ATF6: variants seen among roughly 807,000 people sequenced by gnomAD.
The protein encoded by ATF6 is cyclic AMP-dependent transcription factor ATF-6 alpha.
A neutral mutation model predicts 83.6 loss-of-function variants in ATF6; 53 were observed. The observed-to-expected ratio is 0.63, with a 90% CI of 0.51 to 0.80. ATF6 has a LOEUF of 0.80. Ranked by LOEUF, ATF6 falls within the 30% of genes least tolerant of loss-of-function variation. The pLI, the probability that ATF6 is intolerant of heterozygous loss-of-function variation, is 0.00. For missense variants in ATF6, 744 were observed against 797.9 expected, an observed-to-expected ratio of 0.93 and a Z score of 0.81; for synonymous variants, 288 against 285.8, an observed-to-expected ratio of 1.01 and a Z score of -0.08.
At position 161,821,082 on chromosome 1, in the gene ATF6, A is replaced by G. The variant is rs367613392; in HGVS notation, c.1108A>G (p.Lys370Glu). The G allele has an allele frequency of 2.5e-6, 4 of 1,610,126 alleles. No individual in the cohort carries two copies. Among genetic ancestry groups the G allele is most frequent in the Non-Finnish European group, 2.5e-6 (3 of 1,178,040 alleles). Residue 370 changes from lysine to glutamate, a missense_variant, in exon 9 of 16, where the codon AAA (lysine) becomes GAA (glutamate). By Grantham distance (56) the Lys-to-Glu change is moderately conservative. Transcript: ENST00000367942. ...TCATTTCCTTTAGAACCAGAGGCTT[A>G]AAGTCCCTAGTCCAAAGCGAAGAGT... ...DEVVSENQRL[K>E]VPSPKRRVVC...
At chr1:161,899,282 C>G (rs1687735556) in intron 14 of ATF6, among the ~76,000 whole-genome samples, 1 of 152,204 alleles carries the variant, frequency 6.6e-6, no homozygotes, top group Admixed American at 6.5e-5. Context: ...GCAACAGCTG[C>G]AAGTTATTCC....
intron 9 of ATF6, 43 bp from the exon 10 acceptor site, chr1:161,846,406 C>A: frequency 6.3e-7 from 1 of 1,577,696 alleles, no homozygotes; most frequent in Non-Finnish European, 8.6e-7. Context: ...ATATGTGTGA[C>A]ATATTTTTAT....
At chr1:161,810,269 C>G (rs1000073134) in intron 7 of ATF6, among the ~76,000 whole-genome samples, 1 of 152,174 alleles carries the variant, frequency 6.6e-6, no homozygotes, top group Non-Finnish European at 1.5e-5. Flanking sequence ...AGGAAACTTA[C>G]AATCATGACT....
chr1:161,852,865 A>C (rs1686664730), intron 11 of ATF6, among the ~76,000 whole-genome samples: 1 of 151,990 alleles, frequency 6.6e-6, no homozygotes, highest in African/African-American at 2.4e-5. Flanking sequence ...CAGTCTTCCC[A>C]CCCCAGCCTC....
At chr1:161,945,956 A>T (rs1281155846) in intron 15 of ATF6, among the ~76,000 whole-genome samples, 1 of 152,106 alleles carries the variant, frequency 6.6e-6, no homozygotes, top group Non-Finnish European at 1.5e-5. Context: ...CTTACGTAAG[A>T]TGCTACTGAG....
chr1:161,805,663 T>C (rs1685260857), intron 7 of ATF6, among the ~76,000 whole-genome samples: 1 of 152,182 alleles, frequency 6.6e-6, no homozygotes, highest in Admixed American at 6.5e-5. Flanking sequence ...TTGACCTCAG[T>C]ATTACATGTG....
At position 161,936,472 on chromosome 1, in the gene ATF6, CTT is replaced by C. The variant is rs1159125383; in HGVS notation, c.1805-21972_1805-21971del. 6.6e-5 allele frequency among the ~76,000 whole-genome samples: 10 copies of C among 152,258 alleles called. No homozygotes were observed. In the East Asian group the frequency reaches 1.9e-3, roughly 29 times the overall value. On this transcript the variant is annotated intron_variant, in intron 15 of 15. Transcript: ENST00000367942. ...TTGCAAACAATCCAATTATTACACT[CTT>C]TAAGTTATTTTAAAATGTTACAGAT... is the stretch of plus-strand genomic sequence containing the variant.
intron 15 of ATF6, among the ~76,000 whole-genome samples, chr1:161,921,794 T>C (rs1688217735): frequency 6.6e-6 from 1 of 152,230 alleles, no homozygotes; most frequent in South Asian, 2.1e-4. Flanking sequence ...TTTTCTTTCC[T>C]TTTTGTTAGA....
chr1:161,929,897 A>G (rs1334648805), intron 15 of ATF6, among the ~76,000 whole-genome samples: 1 of 152,230 alleles, frequency 6.6e-6, no homozygotes, highest in Non-Finnish European at 1.5e-5. Context: ...TACAGGCACT[A>G]TCATCTCTCT....
intron 1 of ATF6, among the ~76,000 whole-genome samples, chr1:161,777,876 A>C (rs1027236638): frequency 6.6e-6 from 1 of 152,212 alleles, no homozygotes; most frequent in African/African-American, 2.4e-5. Context: ...AACCATGTCT[A>C]CTTTCCACAG....
intron 14 of ATF6, among the ~76,000 whole-genome samples, chr1:161,879,478 T>G (rs1687281970): frequency 6.6e-6 from 1 of 152,044 alleles, no homozygotes; most frequent in African/African-American, 2.4e-5. Context: ...AGACATATAA[T>G]TACAATATGG....
intron 9 of ATF6, among the ~76,000 whole-genome samples, chr1:161,838,297 C>A (rs764225807): frequency 2.6e-5 from 4 of 152,186 alleles, no homozygotes; most frequent in Non-Finnish European, 5.9e-5. Flanking sequence ...AACACTGACT[C>A]AGTGATGTCA....
At chr1:161,776,796 G>A (rs954705371) in intron 1 of ATF6, among the ~76,000 whole-genome samples, 1 of 152,198 alleles carries the variant, frequency 6.6e-6, no homozygotes, top group Non-Finnish European at 1.5e-5. Context: ...ATCTTGAAGT[G>A]TGGGTTGGAG....
rs543967052 is a variant in ATF6 at position 161,843,332 on chromosome 1, A to T, written c.1188-3117A>T. On this transcript the variant is annotated intron_variant, in intron 9 of 15. Coordinates refer to ENST00000367942, the MANE Select transcript of ATF6 (RefSeq NM_007348.4). Reference sequence around the variant, plus strand: ...TGTTATCACAAAATGACATTGCATGAACCAGCATTGTTTGAAGACTTGCTG... The same window carrying T: ...TGTTATCACAAAATGACATTGCATGTACCAGCATTGTTTGAAGACTTGCTG... Among the ~76,000 whole-genome samples, 6 of 152,316 alleles carry T rather than the reference A, an allele frequency of 3.9e-5. No homozygotes were observed. In the South Asian group the frequency reaches 1.2e-3, roughly 32 times the overall value.
Position 161,920,294 on chromosome 1 carries a change from C to CTTTTTTTTTTTTTTTTTTTTTTTT in ATF6, c.1804+7932_1804+7933insTTTTTTTTTTTTTTTTTTTTTTTT, listed in dbSNP as rs71798307. Among the ~76,000 whole-genome samples the CTTTTTTTTTTTTTTTTTTTTTTTT allele has an allele frequency of 1.6e-3, 89 of 54,836 alleles. 34 individuals are homozygous for CTTTTTTTTTTTTTTTTTTTTTTTT. The highest frequency in any genetic ancestry group is 4.1e-3 in the East Asian group (9 of 2,188). The allele number at this position is 54,836 out of a possible 152,430, so 36.0% of individuals were successfully genotyped here. ...TAGTTCTCTTTCTCTCTCTCTCTCTCTTTTTTTTTTTTTTTTTTGAGACAG... is the reference window on the plus strand; with the variant it reads ...TAGTTCTCTTTCTCTCTCTCTCTCTCTTTTTTTTTTTTTTTTTTTTTTTTTTTTTTTTTTTTTTTTTTGAGACAG... On this transcript the variant is annotated intron_variant, in intron 15 of 15. Coordinates refer to ENST00000367942, the MANE Select transcript of ATF6 (RefSeq NM_007348.4).
In ATF6 at chr1:161,911,745, A is replaced by G. The variant is rs113612913; in HGVS notation, c.1720-551A>G. ...GCTTCAGTCAGAATCTTTCTTGTAC[A>G]TGTTGATAATTTCTTTCTTCTACAG... On this transcript the variant is annotated intron_variant, in intron 14 of 15. Transcript: ENST00000367942. 2.3e-3 allele frequency among the ~76,000 whole-genome samples: 350 copies of G among 152,320 alleles called. 3 individuals are homozygous for G. The highest frequency in any genetic ancestry group is 7.9e-3 in the African/African-American group (327 of 41,576).
Position 161,863,230 on chromosome 1 carries a change from A to G in ATF6, c.1637A>G (p.Tyr546Cys). 6.2e-7 allele frequency: 1 copy of G among 1,611,976 alleles called. No homozygotes were observed. The highest frequency in any genetic ancestry group is 8.5e-7 in the Non-Finnish European group (1 of 1,178,220). ...TCAGGGAGTGAGCTACAAGTGTATT[A>G]TGCTTCACCCAGAAGTTATCAAGAC... ...RNSGSELQVY[Y>C]ASPRSYQDFF... Residue 546 changes from tyrosine to cysteine, a missense_variant, in exon 14 of 16, where the codon TAT becomes TGT. Coordinates refer to ENST00000367942, the MANE Select transcript of ATF6 (RefSeq NM_007348.4).
intron 9 of ATF6, among the ~76,000 whole-genome samples, chr1:161,835,607 G>C (rs1686194651): frequency 6.6e-6 from 1 of 152,092 alleles, no homozygotes; most frequent in Non-Finnish European, 1.5e-5. Flanking sequence ...TTATTCATTA[G>C]ATTATAAGAT....
chr1:161,837,214 A>G (rs1686242486), intron 9 of ATF6, among the ~76,000 whole-genome samples: 1 of 152,226 alleles, frequency 6.6e-6, no homozygotes, highest in African/African-American at 2.4e-5. Context: ...GAATGTACAG[A>G]AGTACATATG....
Sources: allele counts gnomAD v4.1 joint callset (sites outside exome capture counted in the v4.1 genomes callset), GRCh38; gene constraint gnomAD v4.1.1; transcripts MANE v1.5; gene names NCBI Gene and HGNC (gene_info 2026-07-23, HGNC 2026-07-21).